The following STXBP4 variants were observed in gnomAD, a reference collection of about 807,000 sequenced individuals.
The protein encoded by STXBP4 is syntaxin-binding protein 4.
A neutral mutation model predicts 76.1 loss-of-function variants in STXBP4; 55 were observed. The ratio of observed to expected loss-of-function variants is 0.72; its 90% confidence interval spans 0.58 to 0.91. The LOEUF (loss-of-function observed/expected upper bound fraction) is 0.91, where lower values mean the gene tolerates loss of function less well. Among genes scored for constraint, STXBP4 ranks in the 40% least tolerant of loss-of-function variants. STXBP4 has a pLI of 0.00. For missense variants in STXBP4, 618 were observed against 636.9 expected (o/e 0.97, Z 0.32); for synonymous variants, 201 against 220.2 (o/e 0.91, Z 0.77).
intron 16 of STXBP4, among the ~76,000 whole-genome samples, chr17:55,129,669 A>T (rs908014220): frequency 2.0e-5 from 3 of 152,200 alleles, no homozygotes; most frequent in Admixed American, 6.5e-5. Flanking sequence ...AACCTTTGAA[A>T]TATTTTTCTT....
intron 12 of STXBP4, among the ~76,000 whole-genome samples, chr17:55,071,537 T>A (rs1411237296): frequency 6.6e-6 from 1 of 152,166 alleles, no homozygotes; most frequent in African/African-American, 2.4e-5. Context: ...CAGTTATCTT[T>A]TCAATGAGAC....
At chr17:55,001,362 T>G (rs116167290) in intron 7 of STXBP4, among the ~76,000 whole-genome samples, 1,850 of 152,302 alleles carry the variant, frequency 0.012, 33 homozygotes, top group African/African-American at 0.042. Flanking sequence ...TTATTATTGA[T>G]TCTTAATTAC....
intron 10 of STXBP4, among the ~76,000 whole-genome samples, chr17:55,039,622 T>C (rs960035537): frequency 6.6e-6 from 1 of 151,100 alleles, no homozygotes; most frequent in Non-Finnish European, 1.5e-5. Flanking sequence ...GTGGGGAAAA[T>C]AGAAAGGAAA....
At chr17:55,136,457 A>G (rs1183657546) in intron 16 of STXBP4, among the ~76,000 whole-genome samples, 1 of 152,122 alleles carries the variant, frequency 6.6e-6, no homozygotes, top group African/African-American at 2.4e-5. Context: ...ATGGTAATAA[A>G]TATTTTAAAA....
the STXBP4 span, among the ~76,000 whole-genome samples, chr17:55,192,444 T>C: frequency 6.6e-6 from 1 of 152,172 alleles, no homozygotes; most frequent in African/African-American, 2.4e-5. Context: ...AATTTGAAAG[T>C]TGTTCTTCCT....
intron 12 of STXBP4, among the ~76,000 whole-genome samples, chr17:55,052,821 T>C (rs1484507246): frequency 6.7e-6 from 1 of 148,896 alleles, no homozygotes; most frequent in Non-Finnish European, 1.5e-5. Flanking sequence ...TGGGCGAGAA[T>C]GTGTAACCTG....
the STXBP4 span, among the ~76,000 whole-genome samples, chr17:55,191,281 G>A: frequency 1.5e-4 from 23 of 152,206 alleles, no homozygotes; most frequent in South Asian, 1.0e-3. Context: ...AAACTACAAT[G>A]TGCATATGTG....
Position 54,999,811 on chromosome 17 carries a change from A to G in STXBP4, c.467A>G (p.Lys156Arg), listed in dbSNP as rs1444852085. The change falls in exon 6 of 18, where the codon AAA (lysine) becomes AGA (arginine). Residue 156 changes from lysine (K) to arginine (R), a missense_variant. Transcript: ENST00000376352. ...ILIPKTSSTP[K>R]TNNDILSSCE... is the part of the protein sequence containing the mutation. ...ATCCCAAAGACCTCATCCACTCCCA[A>G]AACAAATAATGACATTTTATCTTCT... The G allele has an allele frequency of 1.9e-6, 3 of 1,612,898 alleles. No individual in the cohort carries two copies. Among genetic ancestry groups the G allele is most frequent in the Admixed American group, 1.7e-5 (1 of 59,958 alleles).
intron 12 of STXBP4, among the ~76,000 whole-genome samples, chr17:55,062,558 CAT>C (rs1491380670): frequency 6.6e-6 from 1 of 151,994 alleles, no homozygotes; most frequent in Admixed American, 6.5e-5. Context: ...CATATGTGTG[CAT>C]GTGTGTGTGT....
Position 55,171,263 on chromosome 17 carries a change from A to G in STXBP4, c.*11352A>G, listed in dbSNP as rs1192415624. 1 of 152,206 alleles carries G rather than the reference A, an allele frequency of 6.6e-6. No individual in the cohort carries two copies. The highest frequency in any genetic ancestry group is 1.5e-5 in the Non-Finnish European group (1 of 68,034). 9.4% of individuals were successfully genotyped at this position (152,206 alleles called of 1,614,324 possible). A position where few individuals can be genotyped will look rare whatever the true frequency, so the allele number is the denominator to read the frequency against. On this transcript the variant is annotated 3_prime_UTR_variant, in exon 18 of 18. Transcript: ENST00000376352. The stretch of plus-strand genomic sequence containing the variant: ...CTGAATAGTCTTTGCAAGAAGCACA[A>G]AATCCTAGAATTGAGGTGAATTTGT...
At chr17:55,036,580 C>T (rs2078607394) in intron 10 of STXBP4, among the ~76,000 whole-genome samples, 1 of 151,772 alleles carries the variant, frequency 6.6e-6, no homozygotes, top group Non-Finnish European at 1.5e-5. Flanking sequence ...GTTCTAATGA[C>T]ACCCTTTCTG....
At chr17:55,146,361 C>G (rs1057244292) in intron 17 of STXBP4, among the ~76,000 whole-genome samples, 3 of 152,154 alleles carry the variant, frequency 2.0e-5, no homozygotes, top group African/African-American at 4.8e-5. Context: ...CTCACTTTCT[C>G]TCTGGGTCTC....
chr17:55,003,970 G>A (rs557690350), intron 7 of STXBP4, among the ~76,000 whole-genome samples: 2 of 151,790 alleles, frequency 1.3e-5, no homozygotes, highest in South Asian at 2.1e-4. Context: ...TCAGGAGTTC[G>A]AGACCAGCCT....
the STXBP4 span, among the ~76,000 whole-genome samples, chr17:55,207,096 A>T: frequency 6.6e-6 from 1 of 152,048 alleles, no homozygotes; most frequent in African/African-American, 2.4e-5. Flanking sequence ...CCACCCTAAC[A>T]GGCCACTCTT....
the STXBP4 span, among the ~76,000 whole-genome samples, chr17:55,197,734 C>T: frequency 6.7e-6 from 1 of 148,382 alleles, no homozygotes; most frequent in Non-Finnish European, 1.5e-5. Flanking sequence ...CAGAGTGAGA[C>T]TCAGTCTCAA....
chr17:55,032,767 T>A (rs2078532039), intron 9 of STXBP4, among the ~76,000 whole-genome samples: 1 of 152,148 alleles, frequency 6.6e-6, no homozygotes. Flanking sequence ...GCACCCAGAT[T>A]GCTCAGGGAA....
rs1171161379 is a variant in STXBP4 at position 55,163,123 on chromosome 17, G to A, written c.*3212G>A. 6.6e-6 allele frequency: 1 copy of A among 151,736 alleles called. No individual in the cohort carries two copies. Among genetic ancestry groups the A allele is most frequent in the African/African-American group, 2.4e-5 (1 of 41,292 alleles). 9.4% of individuals were successfully genotyped at this position (151,736 alleles called of 1,614,324 possible). A position where few individuals can be genotyped will look rare whatever the true frequency, so the allele number is the denominator to read the frequency against. ...TATCCATAAATTCTCCATAAAAGTA[G>A]GACCAACTTACATTACCACCAATAG... On this transcript the variant is annotated 3_prime_UTR_variant, in exon 18 of 18. Coordinates refer to ENST00000376352, the MANE Select transcript of STXBP4 (RefSeq NM_178509.6).
chr17:54,975,616 G>A (rs2077462945), intron 1 of STXBP4, among the ~76,000 whole-genome samples: 1 of 152,174 alleles, frequency 6.6e-6, no homozygotes, highest in Non-Finnish European at 1.5e-5. Flanking sequence ...TTAAAGGTAA[G>A]AGATAAAGGG....
chr17:55,094,819 A>G (rs2079463208), intron 16 of STXBP4, among the ~76,000 whole-genome samples: 1 of 152,222 alleles, frequency 6.6e-6, no homozygotes, highest in Admixed American at 6.5e-5. Context: ...ACAGGAAGCA[A>G]ACATAGACAG....
Sources: allele counts gnomAD v4.1 joint callset (sites outside exome capture counted in the v4.1 genomes callset), GRCh38; gene constraint gnomAD v4.1.1; transcripts MANE v1.5; gene names NCBI Gene and HGNC (gene_info 2026-07-23, HGNC 2026-07-21).